DAP: variants seen among roughly 807,000 people sequenced by gnomAD.
DAP encodes death associated protein, also known as death-associated protein 1.
In DAP, 8 loss-of-function variants were observed where a neutral mutation model predicts 13.8. The ratio of observed to expected loss-of-function variants is 0.58; its 90% CI spans 0.34 to 1.05. The LOEUF is 1.05. Among genes scored for constraint, DAP ranks in the 50% least tolerant of loss-of-function variants. DAP has a pLI of 0.03. For missense variants in DAP, 106 were observed against 133.2 expected (o/e 0.80, Z 1.01); for synonymous variants, 47 against 47.5 (o/e 0.99, Z 0.04).
intron 2 of DAP, among the ~76,000 whole-genome samples, chr5:10,692,130 C>A (rs986407881): frequency 3.3e-5 from 5 of 152,192 alleles, no homozygotes; most frequent in Admixed American, 1.3e-4. Context: ...AACCCAAATT[C>A]ATAGTTTTAA....
intron 3 of DAP, among the ~76,000 whole-genome samples, chr5:10,681,380 C>A (rs1033578871): frequency 8.0e-5 from 11 of 138,110 alleles, no homozygotes; most frequent in Non-Finnish European, 1.4e-4. Flanking sequence ...AGCGCCCCTG[C>A]AGGAAGCATG....
chr5:10,732,513 A>G (rs393291), intron 2 of DAP, among the ~76,000 whole-genome samples: 127,653 of 152,256 alleles, frequency 0.84, 54,213 homozygotes, highest in Non-Finnish European at 0.91. Context: ...TGACTGTATC[A>G]TTAATCAGCA....
chr5:10,730,672 C>A (rs1227763106), intron 2 of DAP, among the ~76,000 whole-genome samples: 3 of 122,690 alleles, frequency 2.4e-5, no homozygotes, highest in Non-Finnish European at 3.3e-5. Context: ...ACTGAGAGCC[C>A]TGGTGGGGGG....
intron 2 of DAP, among the ~76,000 whole-genome samples, chr5:10,687,847 C>A (rs1738193682): frequency 6.7e-6 from 1 of 150,022 alleles, no homozygotes; most frequent in Admixed American, 6.6e-5. Flanking sequence ...GCAGAGAAAT[C>A]TTTCTTTCCT....
At chr5:10,730,327 C>CT (rs1436666713) in intron 2 of DAP, among the ~76,000 whole-genome samples, 4 of 152,238 alleles carry the variant, frequency 2.6e-5, no homozygotes, top group African/African-American at 7.2e-5. Context: ...GGGAAAACAG[C>CT]TAAGGGCTGC....
intron 3 of DAP, 87 bp from the exon 4 acceptor site, chr5:10,681,256 G>T: frequency 9.5e-7 from 1 of 1,049,008 alleles, no homozygotes. Flanking sequence ...GCCCACCAGC[G>T]TCCCTGCGGA....
At chr5:10,727,154 G>A (rs1739306778) in intron 2 of DAP, among the ~76,000 whole-genome samples, 1 of 152,204 alleles carries the variant, frequency 6.6e-6, no homozygotes, top group Non-Finnish European at 1.5e-5. Flanking sequence ...CAGAGGACCT[G>A]GACTGTGCAG....
chr5:10,725,872 AC>A (rs1239769362), intron 2 of DAP, among the ~76,000 whole-genome samples: 2 of 152,204 alleles, frequency 1.3e-5, no homozygotes, highest in Non-Finnish European at 2.9e-5. Context: ...GATATACCTG[AC>A]CACAAAAGAG....
At chr5:10,692,801 G>A (rs1738337250) in intron 2 of DAP, among the ~76,000 whole-genome samples, 2 of 152,280 alleles carry the variant, frequency 1.3e-5, no homozygotes, top group Non-Finnish European at 2.9e-5. Context: ...CAAAAGGACC[G>A]ATTGCTAGTA....
At chr5:10,743,863 G>A (rs984013069) in intron 2 of DAP, among the ~76,000 whole-genome samples, 3 of 152,136 alleles carry the variant, frequency 2.0e-5, no homozygotes, top group Non-Finnish European at 2.9e-5. Flanking sequence ...TCAGGTTGAC[G>A]GAAATTCTTT....
intron 2 of DAP, among the ~76,000 whole-genome samples, chr5:10,712,356 G>A (rs1738874652): frequency 6.6e-6 from 1 of 152,184 alleles, no homozygotes; most frequent in African/African-American, 2.4e-5. Flanking sequence ...CACACAGCAT[G>A]TGCAGAAAGA....
intron 2 of DAP, among the ~76,000 whole-genome samples, chr5:10,739,201 C>CAAAAAAAAAAAAAAAAAAAAAA (rs10644743): frequency 2.8e-5 from 2 of 71,604 alleles, no homozygotes; most frequent in African/African-American, 5.6e-5. Context: ...GACTCTGAAT[C>CAAAAAAAAAAAAAAAAAAAAAA]AAAAAAAAAA....
chr5:10,742,694 A>C (rs982197597), intron 2 of DAP, among the ~76,000 whole-genome samples: 2 of 152,016 alleles, frequency 1.3e-5, no homozygotes, highest in Non-Finnish European at 2.9e-5. Flanking sequence ...AGGCTCATCT[A>C]GTATTTTTCC....
intron 2 of DAP, among the ~76,000 whole-genome samples, chr5:10,709,268 C>T (rs1165557135): frequency 6.6e-6 from 1 of 152,212 alleles, no homozygotes; most frequent in African/African-American, 2.4e-5. Context: ...AGGACGTGTA[C>T]ATGCATTCCT....
intron 2 of DAP, among the ~76,000 whole-genome samples, chr5:10,745,210 T>G (rs1739870288): frequency 6.6e-6 from 1 of 152,116 alleles, no homozygotes; most frequent in African/African-American, 2.4e-5. Flanking sequence ...TCGTGGAGTG[T>G]GTTAGAAAAA....
chr5:10,724,843 G>A (rs1183366295), intron 2 of DAP, among the ~76,000 whole-genome samples: 5 of 152,144 alleles, frequency 3.3e-5, no homozygotes, highest in Non-Finnish European at 1.5e-5. Context: ...ACCCGGGTGC[G>A]CAGCCATCTG....
intron 2 of DAP, among the ~76,000 whole-genome samples, chr5:10,686,076 A>G (rs7716593): frequency 0.088 from 13,460 of 152,282 alleles, 843 homozygotes; most frequent in African/African-American, 0.17. Flanking sequence ...TGTCTGTTAC[A>G]GTGATCTGTG....
At chr5:10,710,794 G>A (rs1335201564) in intron 2 of DAP, among the ~76,000 whole-genome samples, 1 of 152,188 alleles carries the variant, frequency 6.6e-6, no homozygotes, top group Non-Finnish European at 1.5e-5. Context: ...TGGAGTCAGT[G>A]AGAAGCAGGT....
chr5:10,740,186 C>T (rs981812874), intron 2 of DAP, among the ~76,000 whole-genome samples: 1 of 152,064 alleles, frequency 6.6e-6, no homozygotes, highest in Non-Finnish European at 1.5e-5. Flanking sequence ...GACTTATTGC[C>T]ACACTGGGCA....
Sources: allele counts gnomAD v4.1 joint callset (sites outside exome capture counted in the v4.1 genomes callset), GRCh38; gene constraint gnomAD v4.1.1; transcripts MANE v1.5; gene names NCBI Gene and HGNC (gene_info 2026-07-23, HGNC 2026-07-21).